The following CXCL10 variants were observed in gnomAD, a reference collection of about 807,000 sequenced individuals.
CXCL10 encodes C-X-C motif chemokine 10.
CXCL10 carries 6 observed loss-of-function variants against 10.8 expected under a neutral mutation model. The observed-to-expected ratio is 0.55, with a 90% CI of 0.30 to 1.09. The LOEUF is 1.09. Among genes scored for constraint, CXCL10 ranks in the 50% least tolerant of loss-of-function variants. CXCL10 has a pLI of 0.06. For synonymous variants in CXCL10, 35 were observed against 35.8 expected (o/e 0.98, Z 0.08); for missense variants, 114 against 114.3 (o/e 1.00, Z 0.01).
chr4:76,022,454 C>T lies in CXCL10; in HGVS notation c.190G>A (p.Ala64Thr), dbSNP rs1443390834. ...TTCTCACCCTTCTTTTTCATTGTAG[C>T]ACTGTAGAAATAAATAGGGATGAAA... ...SQFCPRVEII[A>T]TMKKKGEKRC... The change falls in exon 3 of 4, where the codon GCT (alanine) becomes ACT (threonine). Residue 64 changes from alanine to threonine, a missense_variant and splice_region_variant. Ala to Thr is a moderately conservative substitution (Grantham distance 58, BLOSUM62 0). Transcript: ENST00000306602. 9.3e-6 allele frequency: 15 copies of T among 1,611,974 alleles called. No homozygotes were observed. The highest frequency in any genetic ancestry group is 1.2e-5 in the Non-Finnish European group (14 of 1,179,328).
At chr4:76,022,312 C>G in intron 3 of CXCL10, 54 bp downstream of exon 3, 2 of 1,442,268 alleles carry the variant, frequency 1.4e-6, no homozygotes, top group South Asian at 1.1e-5. Context: ...TTTCTGACTC[C>G]CAAGATTGCC....
At chr4:76,022,885 G>T in intron 1 of CXCL10, 68 bp from the exon 2 acceptor site, 1 of 1,523,800 alleles carries the variant, frequency 6.6e-7, no homozygotes. Flanking sequence ...ATGTAGACTG[G>T]TGGTATTTAG....
rs377480085 is a variant in CXCL10, at chr4:76,023,451, C to T, written c.-20G>A. 1.9e-6 allele frequency: 3 copies of T among 1,610,804 alleles called. No homozygotes were observed. The highest frequency in any genetic ancestry group is 2.7e-5 in the African/African-American group (2 of 74,830). Reference sequence around the variant, plus strand: ...ATTCATGGTGCTGAGACTGGAGGTTCCTCTGCTGTAGGCTCAGAATATGTC... The same window carrying T: ...ATTCATGGTGCTGAGACTGGAGGTTTCTCTGCTGTAGGCTCAGAATATGTC... On this transcript the variant is annotated 5_prime_UTR_variant, in exon 1 of 4. Transcript: ENST00000306602.
intron 1 of CXCL10, among the ~76,000 whole-genome samples, chr4:76,023,039 AG>A (rs1733017322): frequency 1.3e-5 from 2 of 152,218 alleles, no homozygotes; most frequent in African/African-American, 4.8e-5. Context: ...CAAACCCTTA[AG>A]CACAGTTCAT....
Position 76,021,893 on chromosome 4 carries a change from C to G in CXCL10, c.*37G>C, listed in dbSNP as rs542690649. On this transcript the variant is annotated 3_prime_UTR_variant, in exon 4 of 4. Transcript: ENST00000306602. ...AGAGGCAGCCTCTGTGTGGTCCATC[C>G]TTGGAAGCACTGCATCGATTTTGCT... The G allele has an allele frequency of 1.3e-6, 2 of 1,599,418 alleles. No individual in the cohort carries two copies. Among genetic ancestry groups the G allele is most frequent in the East Asian group, 4.5e-5 (2 of 44,776 alleles).
In CXCL10 at chr4:76,022,374, G is replaced by A; in HGVS notation, c.270C>T (p.Ser90=). Residue 90 remains serine (S), a synonymous_variant, in exon 3 of 4, where the codon AGC becomes AGT. Coordinates refer to ENST00000306602, the MANE Select transcript of CXCL10 (RefSeq NM_001565.4). ...KAIKNLLKAV[S]KERSKRSP is the part of the protein sequence containing the mutation. ...GGCAACAGCAAACCTACCTTTCCTTGCTAACTGCTTTCAGTAAATTCTTGA... is the reference window on the plus strand; with the variant it reads ...GGCAACAGCAAACCTACCTTTCCTTACTAACTGCTTTCAGTAAATTCTTGA... 1.9e-6 allele frequency: 3 copies of A among 1,613,294 alleles called. No individual in the cohort carries two copies. Among genetic ancestry groups the A allele is most frequent in the Non-Finnish European group, 2.5e-6 (3 of 1,179,754 alleles).
chr4:76,022,830 A>G lies in CXCL10; in HGVS notation c.62-13T>C. The G allele has an allele frequency of 6.2e-7, 1 of 1,604,512 alleles. No homozygotes were observed. The highest frequency in any genetic ancestry group is 8.5e-7 in the Non-Finnish European group (1 of 1,178,888). ...GAGAGAGGTACTCCTGTAGGAAAAG[A>G]GGAACAGCAGAGAAGGTTAGCACAG... On this transcript the variant is annotated splice_polypyrimidine_tract_variant and intron_variant, in intron 1 of 3. Coordinates refer to ENST00000306602, the MANE Select transcript of CXCL10 (RefSeq NM_001565.4).
rs1211374697 is a variant in CXCL10 at position 76,023,398 on chromosome 4, T to C, written c.34A>G (p.Ile12Val). 1.4e-5 allele frequency: 22 copies of C among 1,613,884 alleles called. No individual in the cohort carries two copies. The highest frequency in any genetic ancestry group is 3.3e-5 in the Admixed American group (2 of 60,002). ...TGAATGCCACTTAGAGTCAGAAAGA[T>C]AAGGCAGCAAATCAGAATGGCAGTT... ...NQTAILICCL[I>V]FLTLSGIQGV... is the part of the protein sequence containing the mutation. The change falls in exon 1 of 4, where the codon ATC (isoleucine) becomes GTC (valine). Residue 12 changes from isoleucine to valine, a missense_variant. Transcript: ENST00000306602.
intron 2 of CXCL10, 27 bp from the exon 3 acceptor site, chr4:76,022,482 A>G (rs769968450): frequency 5.0e-6 from 8 of 1,598,444 alleles, no homozygotes; most frequent in East Asian, 2.2e-5. Context: ...GGATGAAAAT[A>G]TTTAAAACTG....
rs1282023745 is a variant in CXCL10 at position 76,021,606 on chromosome 4, T to C, written c.*324A>G. ...ATAAACCCCAAAGCAGAAAGATTCCTTAGTACCCTTGGAAGATGGGAAAGG... is the reference window on the plus strand; with the variant it reads ...ATAAACCCCAAAGCAGAAAGATTCCCTAGTACCCTTGGAAGATGGGAAAGG... On this transcript the variant is annotated 3_prime_UTR_variant, in exon 4 of 4. Transcript: ENST00000306602. The C allele has an allele frequency of 1.2e-5, 3 of 246,210 alleles. No individual in the cohort carries two copies. The highest frequency in any genetic ancestry group is 2.0e-5 in the Non-Finnish European group (3 of 147,090). The allele number at this position is 246,210 out of a possible 1,614,324, so 15.3% of individuals were successfully genotyped here.
chr4:76,021,691 G>A lies in CXCL10; in HGVS notation c.*239C>T, dbSNP rs1312504378. On this transcript the variant is annotated 3_prime_UTR_variant, in exon 4 of 4. Coordinates refer to ENST00000306602, the MANE Select transcript of CXCL10 (RefSeq NM_001565.4). Reference sequence around the variant, plus strand: ...ACTAAGAACATAGCACCTCAGTAGAGCTTACATTATAGTGCCAGGGTAGAG... The same window carrying A: ...ACTAAGAACATAGCACCTCAGTAGAACTTACATTATAGTGCCAGGGTAGAG... The A allele has an allele frequency of 4.6e-5, 25 of 538,450 alleles. No individual in the cohort carries two copies. Among genetic ancestry groups the A allele is most frequent in the Non-Finnish European group, 7.3e-5 (22 of 300,206 alleles). The allele number at this position is 538,450 out of a possible 1,614,324, so 33.4% of individuals were successfully genotyped here. A position where few individuals can be genotyped will look rare whatever the true frequency, so the allele number is the denominator to read the frequency against.
chr4:76,023,141 C>T (rs1733032661), intron 1 of CXCL10, among the ~76,000 whole-genome samples: 1 of 152,176 alleles, frequency 6.6e-6, no homozygotes, highest in East Asian at 1.9e-4. Flanking sequence ...CCTCCCTCTT[C>T]CCCATCTCTT....
chr4:76,023,254 C>T (rs1308069444), intron 1 of CXCL10, 117 bp downstream of exon 1: 4 of 757,552 alleles, frequency 5.3e-6, no homozygotes, highest in African/African-American at 5.2e-5. Flanking sequence ...ATTTATTTCC[C>T]TCTTATTTAT....
In CXCL10 at chr4:76,021,839, A is replaced by C; in HGVS notation, c.*91T>G. 1.6e-6 allele frequency: 2 copies of C among 1,233,854 alleles called. No individual in the cohort carries two copies. Among genetic ancestry groups the C allele is most frequent in the South Asian group, 2.4e-5 (2 of 82,202 alleles). The allele number at this position is 1,233,854 out of a possible 1,614,324, so 76.4% of individuals were successfully genotyped here. On this transcript the variant is annotated 3_prime_UTR_variant, in exon 4 of 4. Coordinates refer to ENST00000306602, the MANE Select transcript of CXCL10 (RefSeq NM_001565.4). ...GCAAACTAAGAACAATTATGGCTTG[A>C]CATATACTCCATGTAGGGAAGTGAT...
chr4:76,022,026 G>A (rs1316714802), intron 3 of CXCL10, 78 bp from the exon 4 acceptor site: 3 of 1,299,676 alleles, frequency 2.3e-6, no homozygotes, highest in South Asian at 1.2e-5. Context: ...GGAAAGTACC[G>A]AGTTCATAGA....
Position 76,021,796 on chromosome 4 carries a change from T to G in CXCL10, c.*134A>C. ...CAGCTGATTTGGTGACCATCATTGG[T>G]CACCTTTTAGTGTAACTGCAAACTA... is the stretch of plus-strand genomic sequence containing the variant. On this transcript the variant is annotated 3_prime_UTR_variant, in exon 4 of 4. Coordinates refer to ENST00000306602, the MANE Select transcript of CXCL10 (RefSeq NM_001565.4). 1 of 854,200 alleles carries G rather than the reference T, an allele frequency of 1.2e-6. No homozygotes were observed. Among genetic ancestry groups the G allele is most frequent in the Non-Finnish European group, 2.0e-6 (1 of 507,604 alleles). The allele number at this position is 854,200 out of a possible 1,614,324, so 52.9% of individuals were successfully genotyped here. A position where few individuals can be genotyped will look rare whatever the true frequency, so the allele number is the denominator to read the frequency against.
intron 3 of CXCL10, 137 bp from the exon 4 acceptor site, chr4:76,022,085 G>A: frequency 1.1e-6 from 1 of 872,798 alleles, no homozygotes; most frequent in Admixed American, 2.0e-5. Context: ...TGGATTATAG[G>A]GGTTGCTTTT....
chr4:76,022,657 C>A, intron 2 of CXCL10, 34 bp downstream of exon 2: 1 of 1,606,358 alleles, frequency 6.2e-7, no homozygotes, highest in Non-Finnish European at 8.5e-7. Flanking sequence ...TAATTACAAC[C>A]AGGGAAGTGA....
chr4:76,022,578 T>G (rs1732957717), intron 2 of CXCL10, 113 bp downstream of exon 2: 1 of 1,475,092 alleles, frequency 6.8e-7, no homozygotes, highest in Non-Finnish European at 9.3e-7. Flanking sequence ...TGCTGTACAT[T>G]AGTTTTAGAA....
Sources: allele counts gnomAD v4.1 joint callset (sites outside exome capture counted in the v4.1 genomes callset), GRCh38; gene constraint gnomAD v4.1.1; transcripts MANE v1.5; gene names NCBI Gene and HGNC (gene_info 2026-07-23, HGNC 2026-07-21).